Variants in CALN1 observed in about 807,000 individuals in gnomAD.
The protein encoded by CALN1 is calneuron 1.
CALN1 carries 17 observed loss-of-function variants against 30.6 expected under a neutral mutation model. The observed-to-expected ratio is 0.56, with a 90% confidence interval of 0.38 to 0.83. The LOEUF (loss-of-function observed/expected upper bound fraction) is 0.83. Ranked by LOEUF, CALN1 falls within the 40% of genes least tolerant of loss-of-function variation. CALN1 has a pLI of 0.00. For synonymous variants in CALN1, 156 were observed against 131.4 expected (o/e 1.19, Z -1.28); for missense variants, 291 against 354.9 (o/e 0.82, Z 1.45).
intron 5 of CALN1, among the ~76,000 whole-genome samples, chr7:71,882,850 TTGTG>T (rs34870061): frequency 0.033 from 4,284 of 130,970 alleles, 86 homozygotes; most frequent in African/African-American, 0.041. Context: ...CCCATCTAAT[TTGTG>T]TGTGTGTGTG....
rs528358186 is a variant in CALN1 at position 71,936,280 on chromosome 7, C to T, written c.501+87377G>A. On this transcript the variant is annotated intron_variant, in intron 5 of 6. Coordinates refer to ENST00000395275, the MANE Select transcript of CALN1 (RefSeq NM_031468.4). ...TTGGGAGGCTGAGACGGGTGGATCA[C>T]GAGGTCAGGAGATTGAGACCATGCT... Among the ~76,000 whole-genome samples, 6 of 151,742 alleles carry T rather than the reference C, an allele frequency of 4.0e-5. No homozygotes were observed. The South Asian group carries it at 8.3e-4, about 21-fold the overall frequency.
At chr7:72,334,453 G>A (rs1801875734) in intron 2 of CALN1, among the ~76,000 whole-genome samples, 1 of 152,134 alleles carries the variant, frequency 6.6e-6, no homozygotes, top group Non-Finnish European at 1.5e-5. Context: ...GAACGGATCA[G>A]AAGCTACCCA....
At chr7:71,950,644 C>G (rs1194903954) in intron 5 of CALN1, among the ~76,000 whole-genome samples, 1 of 152,112 alleles carries the variant, frequency 6.6e-6, no homozygotes, top group Non-Finnish European at 1.5e-5. Context: ...CAGAGCCACC[C>G]GAGTCAGACT....
At chr7:72,021,303 C>T (rs1800692219) in intron 5 of CALN1, among the ~76,000 whole-genome samples, 1 of 151,738 alleles carries the variant, frequency 6.6e-6, no homozygotes, top group Non-Finnish European at 1.5e-5. Context: ...AGCAAAAAGG[C>T]ATTCAGGAGA....
the CALN1 span, among the ~76,000 whole-genome samples, chr7:72,480,523 C>T: frequency 2.0e-5 from 3 of 152,018 alleles, no homozygotes; most frequent in Non-Finnish European, 2.9e-5. Context: ...GGGAAATATT[C>T]TCTCCCTTTC....
intron 2 of CALN1, among the ~76,000 whole-genome samples, chr7:72,374,400 G>A (rs997133607): frequency 2.0e-5 from 3 of 151,770 alleles, no homozygotes; most frequent in African/African-American, 7.3e-5. Context: ...GTGGTGGAGG[G>A]CGCCTGTAAT....
chr7:71,826,376 A>C (rs547796763), intron 5 of CALN1, among the ~76,000 whole-genome samples: 1 of 152,286 alleles, frequency 6.6e-6, no homozygotes, highest in East Asian at 1.9e-4. Flanking sequence ...CACTAACAGC[A>C]AGATCTATGG....
intron 3 of CALN1, among the ~76,000 whole-genome samples, chr7:72,241,431 G>T (rs534740852): frequency 6.6e-6 from 1 of 152,114 alleles, no homozygotes; most frequent in Non-Finnish European, 1.5e-5. Context: ...TTCAGACCGG[G>T]TGCAGGGGCT....
At position 72,438,971 on chromosome 7, in the gene CALN1, C is replaced by A. The variant is rs533325961; in HGVS notation, c.-226+8071G>T. On this transcript the variant is annotated intron_variant, in intron 1 of 6. Transcript: ENST00000395276. ...AACCTCAGAAGAAAATACAGTTGAA[C>A]CTCAAACCCTGTGGGGGTTAGGGGT... Among the ~76,000 whole-genome samples the A allele has an allele frequency of 7.9e-5, 12 of 152,296 alleles. No individual in the cohort carries two copies. In the South Asian group the frequency reaches 2.5e-3, roughly 32 times the overall value.
chr7:72,220,441 GTT>G (rs1793200599), intron 3 of CALN1, among the ~76,000 whole-genome samples: 1 of 151,286 alleles, frequency 6.6e-6, no homozygotes, highest in Non-Finnish European at 1.5e-5. Flanking sequence ...CCAGTCTATT[GTT>G]GTTGGACATT....
At chr7:72,178,538 AATTAGCC>A (rs1436250025) in intron 3 of CALN1, among the ~76,000 whole-genome samples, 2 of 152,078 alleles carry the variant, frequency 1.3e-5, no homozygotes, top group African/African-American at 4.8e-5. Context: ...AAAAGACAAA[AATTAGCC>A]AGGCGTGGTG....
intron 3 of CALN1, among the ~76,000 whole-genome samples, chr7:72,229,654 C>T (rs1020451997): frequency 1.3e-5 from 2 of 151,992 alleles, no homozygotes; most frequent in African/African-American, 4.8e-5. Context: ...AAGCTGGAAA[C>T]CATCATTCTC....
At position 72,113,386 on chromosome 7, in the gene CALN1, C is replaced by A. The variant is rs1309259863; in HGVS notation, c.245-7092G>T. On this transcript the variant is annotated intron_variant, in intron 3 of 6. Coordinates refer to ENST00000395275, the MANE Select transcript of CALN1 (RefSeq NM_031468.4). ...ACGGGTAGAAGCATCCTGAGGTCCT[C>A]ACCAGCAGCCAAGCAATTGCTGGTG... 2.6e-5 allele frequency among the ~76,000 whole-genome samples: 4 copies of A among 152,338 alleles called. No individual in the cohort carries two copies. In the East Asian group the frequency reaches 7.7e-4, roughly 29 times the overall value.
intron 3 of CALN1, among the ~76,000 whole-genome samples, chr7:72,264,464 A>G (rs1419628306): frequency 6.6e-6 from 1 of 152,068 alleles, no homozygotes; most frequent in African/African-American, 2.4e-5. Flanking sequence ...CTAATCTGCT[A>G]CAACACTTCC....
At chr7:72,035,920 T>C (rs1031223699) in intron 4 of CALN1, among the ~76,000 whole-genome samples, 4 of 152,244 alleles carry the variant, frequency 2.6e-5, no homozygotes, top group African/African-American at 7.2e-5. Context: ...GCCCACATAA[T>C]TGCACCTTTA....
intron 3 of CALN1, among the ~76,000 whole-genome samples, chr7:72,203,572 C>T (rs1562730191): frequency 6.6e-6 from 1 of 152,122 alleles, no homozygotes; most frequent in Non-Finnish European, 1.5e-5. Context: ...ACCATGCTCC[C>T]TGGATCACAT....
At position 72,358,391 on chromosome 7, in the gene CALN1, G is replaced by A. The variant is rs1429957444; in HGVS notation, c.119+44860C>T. 2.6e-5 allele frequency among the ~76,000 whole-genome samples: 4 copies of A among 151,352 alleles called. No individual in the cohort carries two copies. In the East Asian group the frequency reaches 5.8e-4, roughly 22 times the overall value. ...CTCACTTCTCTGATTAGTAAATGGAGAAAGGAAAAGGACTGTTAGATACAA... is the reference window on the plus strand; with the variant it reads ...CTCACTTCTCTGATTAGTAAATGGAAAAAGGAAAAGGACTGTTAGATACAA... On this transcript the variant is annotated intron_variant, in intron 2 of 6. Coordinates refer to ENST00000395275, the MANE Select transcript of CALN1 (RefSeq NM_031468.4).
intron 3 of CALN1, among the ~76,000 whole-genome samples, chr7:72,124,131 G>A (rs185366122): frequency 3.7e-4 from 57 of 152,258 alleles, no homozygotes; most frequent in African/African-American, 1.3e-3. Flanking sequence ...CCCCTAAAGA[G>A]ACAGCGACCT....
At chr7:71,860,565 T>C (rs901566967) in intron 5 of CALN1, among the ~76,000 whole-genome samples, 4 of 152,210 alleles carry the variant, frequency 2.6e-5, no homozygotes, top group African/African-American at 9.6e-5. Context: ...CCCTGAATTC[T>C]TTCTTGGGTG....
Sources: gnomAD v4.1 joint callset for allele counts (sites outside exome capture counted in the v4.1 genomes callset) on GRCh38, gnomAD v4.1.1 for gene constraint, MANE v1.5 for transcripts, NCBI Gene and HGNC (gene_info 2026-07-23, HGNC 2026-07-21) for gene names.